The following KCTD16 variants were observed in gnomAD, a reference collection of about 807,000 sequenced individuals.
KCTD16 encodes the protein BTB/POZ domain-containing protein KCTD16.
Under a neutral mutation model 33.2 loss-of-function variants are expected in KCTD16, and 13 were observed. That is an observed-to-expected ratio of 0.39 (90% CI 0.25 to 0.62). The LOEUF is 0.62. Ranked by LOEUF, KCTD16 falls within the 20% of genes least tolerant of loss-of-function variation. The probability of loss-of-function intolerance (pLI) is 0.50; values close to 1 mark genes in which losing one functional copy is unlikely to be tolerated. For synonymous variants in KCTD16, 197 were observed against 195.3 expected (o/e 1.01, Z -0.07); for missense variants, 441 against 525.1 (o/e 0.84, Z 1.57).
At chr5:144,273,091 A>G (rs554499563) in intron 3 of KCTD16, among the ~76,000 whole-genome samples, 1 of 152,334 alleles carries the variant, frequency 6.6e-6, no homozygotes, top group African/African-American at 2.4e-5. Context: ...AGAGATTAAT[A>G]TTCCAGATAT....
chr5:144,468,022 G>A (rs1357387239), intron 3 of KCTD16, among the ~76,000 whole-genome samples: 2 of 152,056 alleles, frequency 1.3e-5, no homozygotes, highest in African/African-American at 2.4e-5. Flanking sequence ...TCCTATCAGC[G>A]GCAGCCCAGC....
intron 2 of KCTD16, chr5:144,205,754 C>G: frequency 2.5e-6 from 1 of 395,088 alleles, no homozygotes; most frequent in Non-Finnish European, 4.5e-6. Context: ...CCAACCTCCT[C>G]TCATCAGGGC....
intron 3 of KCTD16, among the ~76,000 whole-genome samples, chr5:144,400,553 A>G (rs1212545254): frequency 6.6e-6 from 1 of 152,094 alleles, no homozygotes; most frequent in East Asian, 1.9e-4. Context: ...TTATAACATG[A>G]TATAGAACAT....
At chr5:144,194,205 A>G (rs1752897546) in intron 2 of KCTD16, among the ~76,000 whole-genome samples, 1 of 152,212 alleles carries the variant, frequency 6.6e-6, no homozygotes, top group South Asian at 2.1e-4. Context: ...ATCCTTGTAT[A>G]TAAAGCACCA....
intron 3 of KCTD16, among the ~76,000 whole-genome samples, chr5:144,253,957 T>C (rs1457746404): frequency 6.6e-6 from 1 of 152,216 alleles, no homozygotes; most frequent in Non-Finnish European, 1.5e-5. Context: ...TTGTCAGCTA[T>C]ATTTTTACTA....
intron 2 of KCTD16, among the ~76,000 whole-genome samples, chr5:144,194,729 G>A (rs116040979): frequency 0.021 from 3,232 of 152,264 alleles, 44 homozygotes; most frequent in Middle Eastern, 0.037. Flanking sequence ...TGGCTCAGAT[G>A]TATGTAACTT....
chr5:144,408,978 C>G (rs1450262528), intron 3 of KCTD16, among the ~76,000 whole-genome samples: 4 of 152,150 alleles, frequency 2.6e-5, no homozygotes, highest in Non-Finnish European at 5.9e-5. Context: ...ATTTTTGTGA[C>G]TCACTTATTA....
At chr5:144,272,864 A>C (rs781634384) in intron 3 of KCTD16, among the ~76,000 whole-genome samples, 2 of 152,166 alleles carry the variant, frequency 1.3e-5, no homozygotes, top group Non-Finnish European at 2.9e-5. Context: ...TAAGACCCAA[A>C]AGTATAAAAC....
chr5:144,390,177 C>A (rs1580924966), intron 3 of KCTD16, among the ~76,000 whole-genome samples: 1 of 152,124 alleles, frequency 6.6e-6, no homozygotes. Flanking sequence ...CATTTAGTAC[C>A]CTTTTCTATA....
intron 3 of KCTD16, among the ~76,000 whole-genome samples, chr5:144,344,886 C>G (rs1752746535): frequency 1.3e-5 from 2 of 151,500 alleles, no homozygotes; most frequent in African/African-American, 2.4e-5. Context: ...AATCATGCTG[C>G]TATAAAGAGA....
At chr5:144,318,134 G>A (rs1425729882) in intron 3 of KCTD16, among the ~76,000 whole-genome samples, 1 of 152,196 alleles carries the variant, frequency 6.6e-6, no homozygotes, top group Non-Finnish European at 1.5e-5. Context: ...TGAAGGAGAA[G>A]GGGTCCTCTT....
rs1418130989 is a variant in KCTD16, at chr5:144,485,234, T to G, written c.*11120T>G. 6.6e-6 allele frequency: 1 copy of G among 151,904 alleles called. No individual in the cohort carries two copies. The highest frequency in any genetic ancestry group is 1.5e-5 in the Non-Finnish European group (1 of 67,900). 9.4% of individuals were successfully genotyped at this position (151,904 alleles called of 1,614,324 possible). On this transcript the variant is annotated 3_prime_UTR_variant, in exon 4 of 4. Transcript: ENST00000512467. ...TGTCCCAATGGAATTGCACATCATT[T>G]TGGCAATCATTGGTTCACTCAGAAG... is the stretch of plus-strand genomic sequence containing the variant.
Position 144,206,516 on chromosome 5 carries a change from C to T in KCTD16, c.-199C>T. On this transcript the variant is annotated 5_prime_UTR_variant, in exon 3 of 4. Transcript: ENST00000512467. Reference sequence around the variant, plus strand: ...TACCATCCACCATCCAGGGTTTAAACTACTTTTTCAGCATCACTTCACCTG... The same window carrying T: ...TACCATCCACCATCCAGGGTTTAAATTACTTTTTCAGCATCACTTCACCTG... 1 of 536,776 alleles carries T rather than the reference C, an allele frequency of 1.9e-6. No homozygotes were observed. The highest frequency in any genetic ancestry group is 3.4e-5 in the South Asian group (1 of 29,542). The allele number at this position is 536,776 out of a possible 1,614,324, so 33.3% of individuals were successfully genotyped here. A position where few individuals can be genotyped will look rare whatever the true frequency, so the allele number is the denominator to read the frequency against.
At chr5:144,384,856 A>C (rs760593372) in intron 3 of KCTD16, among the ~76,000 whole-genome samples, 1 of 152,202 alleles carries the variant, frequency 6.6e-6, no homozygotes, top group African/African-American at 2.4e-5. Flanking sequence ...ATGGATAAGT[A>C]GGTAATTAAG....
At position 144,474,296 on chromosome 5, in the gene KCTD16, A is replaced by G. The variant is rs1754547672; in HGVS notation, c.*182A>G. ...ACCTTAACATGTAAATCCACAGGGTAGATTTCTTTCTAGATGTGGAAGTAC... is the reference window on the plus strand; with the variant it reads ...ACCTTAACATGTAAATCCACAGGGTGGATTTCTTTCTAGATGTGGAAGTAC... On this transcript the variant is annotated 3_prime_UTR_variant, in exon 4 of 4. Transcript: ENST00000512467. 3 of 571,984 alleles carry G rather than the reference A, an allele frequency of 5.2e-6. No homozygotes were observed. Among genetic ancestry groups the G allele is most frequent in the African/African-American group, 3.8e-5 (2 of 53,090 alleles). 35.4% of individuals were successfully genotyped at this position (571,984 alleles called of 1,614,324 possible). A position where few individuals can be genotyped will look rare whatever the true frequency, so the allele number is the denominator to read the frequency against.
intron 3 of KCTD16, among the ~76,000 whole-genome samples, chr5:144,366,657 G>A (rs1246901197): frequency 6.6e-6 from 1 of 152,014 alleles, no homozygotes; most frequent in African/African-American, 2.4e-5. Flanking sequence ...ATAATCCCTG[G>A]GGTCTGCACT....
intron 3 of KCTD16, among the ~76,000 whole-genome samples, chr5:144,365,397 T>C (rs570465921): frequency 4.3e-4 from 65 of 152,154 alleles, no homozygotes; most frequent in Non-Finnish European, 8.2e-4. Flanking sequence ...ATTAGATCAA[T>C]AGGGAACTTT....
intron 3 of KCTD16, among the ~76,000 whole-genome samples, chr5:144,218,247 T>C (rs904906280): frequency 6.6e-6 from 1 of 152,154 alleles, no homozygotes; most frequent in Non-Finnish European, 1.5e-5. Flanking sequence ...TCTAGTGTGA[T>C]GAGGAAGTGT....
chr5:144,411,208 A>G (rs903998173), intron 3 of KCTD16, among the ~76,000 whole-genome samples: 4 of 152,206 alleles, frequency 2.6e-5, no homozygotes, highest in Non-Finnish European at 4.4e-5. Flanking sequence ...TGGAACCACA[A>G]AAGTCCTTGA....
Sources: gnomAD v4.1 joint callset for allele counts (sites outside exome capture counted in the v4.1 genomes callset) on GRCh38, gnomAD v4.1.1 for gene constraint, MANE v1.5 for transcripts, NCBI Gene and HGNC (gene_info 2026-07-23, HGNC 2026-07-21) for gene names.